The following ADAMTSL3 variants were observed in gnomAD, a reference collection of about 807,000 sequenced individuals.
The protein encoded by ADAMTSL3 is ADAMTS like 3.
A neutral mutation model predicts 201.7 loss-of-function variants in ADAMTSL3; 128 were observed. That is an observed-to-expected ratio of 0.63 (90% CI 0.55 to 0.73). The LOEUF is 0.73. Ranked by LOEUF, ADAMTSL3 falls within the 30% of genes least tolerant of loss-of-function variation. The pLI is 0.00. For missense variants in ADAMTSL3, 1,990 were observed against 2,119.6 expected (o/e 0.94, Z 1.20); for synonymous variants, 738 against 748.4 (o/e 0.99, Z 0.23).
At chr15:83,882,792 T>C (rs1321349762) in intron 9 of ADAMTSL3, among the ~76,000 whole-genome samples, 2 of 152,210 alleles carry the variant, frequency 1.3e-5, no homozygotes, top group Non-Finnish European at 2.9e-5. Context: ...GATGTTAATC[T>C]GATTTTTCAC....
intron 2 of ADAMTSL3, among the ~76,000 whole-genome samples, chr15:83,679,594 C>T (rs1191577125): frequency 1.3e-5 from 2 of 152,136 alleles, no homozygotes; most frequent in African/African-American, 4.8e-5. Flanking sequence ...CTGCTTCATT[C>T]ACATGCAGTG....
At chr15:83,927,849 G>A (rs1043527658) in intron 17 of ADAMTSL3, among the ~76,000 whole-genome samples, 4 of 151,912 alleles carry the variant, frequency 2.6e-5, no homozygotes, top group Non-Finnish European at 4.4e-5. Context: ...CTGATTTCCA[G>A]TCCCTCCACT....
intron 4 of ADAMTSL3, among the ~76,000 whole-genome samples, chr15:83,783,296 A>G (rs2063207090): frequency 6.6e-6 from 1 of 151,966 alleles, no homozygotes; most frequent in Non-Finnish European, 1.5e-5. Flanking sequence ...AAGGGCAAAT[A>G]GAATCATGCT....
chr15:83,834,920 TTCAGGCAATTTTTTAGAAG>T (rs1263255314), intron 6 of ADAMTSL3, among the ~76,000 whole-genome samples: 2 of 152,166 alleles, frequency 1.3e-5, no homozygotes, highest in Non-Finnish European at 2.9e-5. Flanking sequence ...TTGGAAACAC[TTCAGGCAATTTTTTAGAAG>T]TTGCTTATTG....
intron 3 of ADAMTSL3, among the ~76,000 whole-genome samples, chr15:83,730,393 G>A (rs536152783): frequency 7.6e-4 from 116 of 152,164 alleles, no homozygotes; most frequent in African/African-American, 2.7e-3. Flanking sequence ...CTGCAAGTCT[G>A]AATCTGAAAC....
intron 3 of ADAMTSL3, among the ~76,000 whole-genome samples, chr15:83,749,657 G>T (rs902878617): frequency 6.6e-6 from 1 of 152,186 alleles, no homozygotes; most frequent in African/African-American, 2.4e-5. Context: ...GTGGGGAGGT[G>T]TTACTAAGGT....
At chr15:83,940,416 C>T (rs1221204556) in intron 17 of ADAMTSL3, among the ~76,000 whole-genome samples, 1 of 152,200 alleles carries the variant, frequency 6.6e-6, no homozygotes, top group Non-Finnish European at 1.5e-5. Context: ...GGTGAGGGCT[C>T]TCTTCCTGAC....
chr15:84,016,310 T>G, intron 24 of ADAMTSL3, 73 bp from the exon 25 acceptor site: 1 of 1,228,354 alleles, frequency 8.1e-7, no homozygotes, highest in Non-Finnish European at 1.2e-6. Flanking sequence ...TAGCTGTCTT[T>G]AAGAACACCC....
chr15:83,868,155 C>T lies in ADAMTSL3; in HGVS notation c.803-2647C>T, dbSNP rs546365233. ...GGGATGCTTATAGGCTTCCTGGGGT[C>T]GCCTACACACTAACCACCTTGCTGC... On this transcript the variant is annotated intron_variant, in intron 8 of 29. Transcript: ENST00000286744. 9.2e-5 allele frequency among the ~76,000 whole-genome samples: 14 copies of T among 152,170 alleles called. No homozygotes were observed. The South Asian group carries it at 2.1e-3, about 23-fold the overall frequency.
chr15:84,033,467 C>G (rs1222995848), intron 28 of ADAMTSL3, among the ~76,000 whole-genome samples: 1 of 151,988 alleles, frequency 6.6e-6, no homozygotes, highest in Non-Finnish European at 1.5e-5. Context: ...TTGAGACCAG[C>G]CTGCCAACAT....
At chr15:83,686,867 A>G (rs1387846377) in intron 2 of ADAMTSL3, among the ~76,000 whole-genome samples, 1 of 152,198 alleles carries the variant, frequency 6.6e-6, no homozygotes, top group African/African-American at 2.4e-5. Flanking sequence ...CCACATATAT[A>G]ACTGTACATT....
intron 23 of ADAMTSL3, among the ~76,000 whole-genome samples, chr15:84,006,029 G>A (rs554446533): frequency 6.6e-6 from 1 of 152,216 alleles, no homozygotes; most frequent in Non-Finnish European, 1.5e-5. Context: ...AGAACAAAAG[G>A]GTATGCAGTT....
chr15:83,719,284 A>G (rs2062063315), intron 3 of ADAMTSL3, among the ~76,000 whole-genome samples: 1 of 152,212 alleles, frequency 6.6e-6, no homozygotes, highest in Non-Finnish European at 1.5e-5. Flanking sequence ...TTACAGGACA[A>G]ACAATTCAAT....
In ADAMTSL3 at chr15:83,674,766, C is replaced by CATAT. The variant is rs377132060; in HGVS notation, c.69+18956_69+18959dup. ...ATATACATATATACACACATATATA[C>CATAT]ATATATATATATATATATATATAAA... On this transcript the variant is annotated intron_variant, in intron 2 of 29. Coordinates refer to ENST00000286744, the MANE Select transcript of ADAMTSL3 (RefSeq NM_207517.3). Among the ~76,000 whole-genome samples, 119 of 68,864 alleles carry CATAT rather than the reference C, an allele frequency of 1.7e-3. 6 individuals carry two copies. The highest frequency in any genetic ancestry group is 0.017 in the East Asian group (33 of 1,978). 45.2% of individuals were successfully genotyped at this position (68,864 alleles called of 152,430 possible). A position where few individuals can be genotyped will look rare whatever the true frequency, so the allele number is the denominator to read the frequency against.
intron 25 of ADAMTSL3, among the ~76,000 whole-genome samples, chr15:84,018,805 T>A (rs1366653846): frequency 1.3e-5 from 2 of 151,566 alleles, no homozygotes; most frequent in African/African-American, 4.9e-5. Context: ...CATTGAGGAG[T>A]CTTATATGGT....
At chr15:83,826,900 C>T (rs1482817971) in intron 6 of ADAMTSL3, among the ~76,000 whole-genome samples, 1 of 152,066 alleles carries the variant, frequency 6.6e-6, no homozygotes, top group Non-Finnish European at 1.5e-5. Context: ...TTTCTTAATC[C>T]AGTCTATCAT....
chr15:83,867,950 G>A (rs997772138), intron 8 of ADAMTSL3, among the ~76,000 whole-genome samples: 1 of 152,192 alleles, frequency 6.6e-6, no homozygotes, highest in Non-Finnish European at 1.5e-5. Flanking sequence ...GACCTGAGTT[G>A]TGAAGATTTT....
chr15:83,927,919 A>T (rs1259276379), intron 17 of ADAMTSL3, among the ~76,000 whole-genome samples: 1 of 151,924 alleles, frequency 6.6e-6, no homozygotes, highest in African/African-American at 2.4e-5. Context: ...ACTAAAAAAA[A>T]ATGGTTTCGA....
At chr15:83,820,590 TAG>T (rs2063847649) in intron 6 of ADAMTSL3, among the ~76,000 whole-genome samples, 2 of 152,228 alleles carry the variant, frequency 1.3e-5, no homozygotes, top group African/African-American at 4.8e-5. Flanking sequence ...AGAGTAATAC[TAG>T]AGAGTCTCTT....
Sources: gnomAD v4.1 joint callset for allele counts (sites outside exome capture counted in the v4.1 genomes callset) on GRCh38, gnomAD v4.1.1 for gene constraint, MANE v1.5 for transcripts, NCBI Gene and HGNC (gene_info 2026-07-23, HGNC 2026-07-21) for gene names.